The following SDK1 variants were observed in gnomAD, a reference collection of about 807,000 sequenced individuals.
The protein encoded by SDK1 is sidekick cell adhesion molecule 1, also known as protein sidekick-1.
SDK1 carries 157 observed loss-of-function variants against 245.5 expected under a neutral mutation model. The observed-to-expected ratio is 0.64, with a 90% CI of 0.56 to 0.73. The LOEUF is 0.73. Ranked by LOEUF, SDK1 falls within the 30% of genes least tolerant of loss-of-function variation. The probability of loss-of-function intolerance (pLI) is 0.00; values close to 1 mark genes in which losing one functional copy is unlikely to be tolerated. For synonymous variants in SDK1, 1,647 were observed against 1,278.5 expected, an observed-to-expected ratio of 1.29 and a Z score of -6.15; for missense variants, 3,583 against 3,002.3, an observed-to-expected ratio of 1.19 and a Z score of -4.52.
At chr7:4,062,871 C>G (rs1204644076) in intron 19 of SDK1, among the ~76,000 whole-genome samples, 2 of 152,104 alleles carry the variant, frequency 1.3e-5, no homozygotes, top group Non-Finnish European at 2.9e-5. Flanking sequence ...ATCATCTCAA[C>G]AGATGCATAA....
chr7:4,200,805 C>T (rs1009860716), intron 35 of SDK1, among the ~76,000 whole-genome samples: 1 of 152,234 alleles, frequency 6.6e-6, no homozygotes, highest in African/African-American at 2.4e-5. Flanking sequence ...GAAGGAGATT[C>T]TCAGGGCATA....
chr7:3,669,119 G>A (rs147962556), intron 4 of SDK1, among the ~76,000 whole-genome samples: 22 of 152,272 alleles, frequency 1.4e-4, no homozygotes, highest in Non-Finnish European at 1.9e-4. Flanking sequence ...TAGAATATTA[G>A]GAGTGATAAT....
In SDK1 at chr7:3,925,490, G is replaced by A. The variant is rs564947111; in HGVS notation, c.848-25433G>A. On this transcript the variant is annotated intron_variant, in intron 5 of 44. Transcript: ENST00000404826. ...GAGAGACTGCCTCTATGAATCTCTC[G>A]TCGCCAAACTAAGCAGTTTTAATCC... Among the ~76,000 whole-genome samples the A allele has an allele frequency of 9.2e-5, 14 of 152,252 alleles. No homozygotes were observed. The South Asian group carries it at 1.7e-3, about 18-fold the overall frequency.
chr7:3,533,591 C>G (rs1050455514), intron 1 of SDK1, among the ~76,000 whole-genome samples: 1 of 152,052 alleles, frequency 6.6e-6, no homozygotes, highest in African/African-American at 2.4e-5. Flanking sequence ...GTACTGGGTA[C>G]TCTGTTTATC....
chr7:4,089,276 C>G (rs1030551078), intron 22 of SDK1, among the ~76,000 whole-genome samples: 5 of 152,246 alleles, frequency 3.3e-5, no homozygotes, highest in African/African-American at 1.2e-4. Context: ...GCCTCCCAAT[C>G]CTGCCACACG....
intron 22 of SDK1, among the ~76,000 whole-genome samples, chr7:4,092,847 G>A (rs1306894064): frequency 6.6e-6 from 1 of 152,216 alleles, no homozygotes; most frequent in Non-Finnish European, 1.5e-5. Context: ...AGCCCAGGCG[G>A]AGAGCAGCAG....
chr7:3,581,277 T>C (rs1276270215), intron 1 of SDK1, among the ~76,000 whole-genome samples: 1 of 152,206 alleles, frequency 6.6e-6, no homozygotes, highest in Non-Finnish European at 1.5e-5. Flanking sequence ...ATTAATCGAA[T>C]ATGATAAATC....
At chr7:3,528,419 G>C (rs1348303147) in intron 1 of SDK1, among the ~76,000 whole-genome samples, 6 of 151,972 alleles carry the variant, frequency 3.9e-5, no homozygotes, top group Non-Finnish European at 7.4e-5. Context: ...TAGCAGAAGT[G>C]ATCCAGGATC....
chr7:3,346,807 G>GTGTATATATA lies in SDK1; in HGVS notation c.298+44924_298+44925insGTATATATAT, dbSNP rs796252256. On this transcript the variant is annotated intron_variant, in intron 1 of 44. Transcript: ENST00000404826. ...TATATATGTATGTGTGTGTGTGTGT[G>GTGTATATATA]TATATATATATATATATATATTTTT... Among the ~76,000 whole-genome samples the GTGTATATATA allele has an allele frequency of 3.1e-4, 13 of 42,220 alleles. 1 individual carries two copies. The highest frequency in any genetic ancestry group is 1.1e-3 in the African/African-American group (11 of 9,722). 27.7% of individuals were successfully genotyped at this position (42,220 alleles called of 152,430 possible).
At chr7:3,623,937 A>T (rs1782027529) in intron 2 of SDK1, among the ~76,000 whole-genome samples, 1 of 152,216 alleles carries the variant, frequency 6.6e-6, no homozygotes, top group Admixed American at 6.5e-5. Context: ...TCCAGGGAAA[A>T]TAAGAATGGT....
intron 1 of SDK1, among the ~76,000 whole-genome samples, chr7:3,434,731 C>A (rs1248354643): frequency 6.6e-6 from 1 of 152,174 alleles, no homozygotes; most frequent in East Asian, 1.9e-4. Context: ...TGAGTTGTTG[C>A]CATCATTAAC....
At chr7:3,316,485 A>G (rs573209065) in intron 1 of SDK1, among the ~76,000 whole-genome samples, 11 of 152,330 alleles carry the variant, frequency 7.2e-5, no homozygotes, top group Admixed American at 2.0e-4. Flanking sequence ...ATTGCCTAAT[A>G]GTGCATTTCT....
intron 4 of SDK1, among the ~76,000 whole-genome samples, chr7:3,820,085 C>T (rs1192260297): frequency 6.6e-6 from 1 of 152,114 alleles, no homozygotes; most frequent in Non-Finnish European, 1.5e-5. Flanking sequence ...TATTTTGGTG[C>T]TCAGAATGCA....
intron 1 of SDK1, among the ~76,000 whole-genome samples, chr7:3,436,667 A>AT (rs1217560464): frequency 6.6e-6 from 1 of 152,102 alleles, no homozygotes; most frequent in East Asian, 1.9e-4. Flanking sequence ...TTTTTCTCTT[A>AT]TTTTTATCGT....
chr7:3,536,223 A>ATTT (rs1204324690), intron 1 of SDK1, among the ~76,000 whole-genome samples: 4 of 136,692 alleles, frequency 2.9e-5, no homozygotes, highest in South Asian at 2.5e-4. Flanking sequence ...CACCCAGCTA[A>ATTT]TTTTTTTTTT....
rs960245792 is a variant in SDK1 at position 3,901,968 on chromosome 7, G to A, written c.848-48955G>A. On this transcript the variant is annotated intron_variant, in intron 5 of 44. Coordinates refer to ENST00000404826, the MANE Select transcript of SDK1 (RefSeq NM_152744.4). ...TCAGAGTATCTCCTCTATCTTTTCC[G>A]GATGTTCTCCTCTGTCTTTGAGTGT... 4.6e-5 allele frequency among the ~76,000 whole-genome samples: 7 copies of A among 152,048 alleles called. No homozygotes were observed. In the East Asian group the frequency reaches 5.8e-4, roughly 13 times the overall value.
chr7:4,132,115 A>G (rs1186923101), intron 27 of SDK1, among the ~76,000 whole-genome samples: 2 of 152,166 alleles, frequency 1.3e-5, no homozygotes, highest in Non-Finnish European at 2.9e-5. Flanking sequence ...CAGGGTTTAA[A>G]GGGAAGTGTT....
At chr7:4,142,374 G>C (rs1201535061) in intron 28 of SDK1, among the ~76,000 whole-genome samples, 1 of 152,036 alleles carries the variant, frequency 6.6e-6, no homozygotes, top group Non-Finnish European at 1.5e-5. Context: ...TGTCACCCAG[G>C]CTGGAGTGCA....
At chr7:4,007,324 T>A (rs528855047) in intron 14 of SDK1, among the ~76,000 whole-genome samples, 1 of 151,834 alleles carries the variant, frequency 6.6e-6, no homozygotes, top group South Asian at 2.1e-4. Flanking sequence ...GAAGGAGAGA[T>A]TATGTAGGGT....
Sources: allele counts gnomAD v4.1 joint callset (sites outside exome capture counted in the v4.1 genomes callset), GRCh38; gene constraint gnomAD v4.1.1; transcripts MANE v1.5; gene names NCBI Gene and HGNC (gene_info 2026-07-23, HGNC 2026-07-21).